The following SENP7 variants were observed in gnomAD, a reference collection of about 807,000 sequenced individuals.
SENP7 encodes the protein SUMO specific peptidase 7.
A neutral mutation model predicts 141.2 loss-of-function variants in SENP7; 64 were observed. The ratio of observed to expected loss-of-function variants is 0.45; its 90% confidence interval spans 0.37 to 0.56. The LOEUF (loss-of-function observed/expected upper bound fraction) is 0.56, where lower values mean the gene tolerates loss of function less well. Among genes scored for constraint, SENP7 ranks in the 20% least tolerant of loss-of-function variants. The pLI is 0.00. For synonymous variants in SENP7, 382 were observed against 426.4 expected (o/e 0.90, Z 1.28); for missense variants, 1,025 against 1,212.2 (o/e 0.85, Z 2.29).
intron 5 of SENP7, 87 bp downstream of exon 5, chr3:101,417,506 C>T: frequency 9.0e-7 from 1 of 1,115,910 alleles, no homozygotes; most frequent in Non-Finnish European, 1.4e-6. Flanking sequence ...CCTTTCAGGT[C>T]ATTTCAACAA....
At chr3:101,508,801 G>A (rs1423284629) in intron 1 of SENP7, among the ~76,000 whole-genome samples, 1 of 151,946 alleles carries the variant, frequency 6.6e-6, no homozygotes, top group Non-Finnish European at 1.5e-5. Flanking sequence ...TGTAATGCTT[G>A]GCACTACTAA....
intron 14 of SENP7, 84 bp from the exon 15 acceptor site, chr3:101,341,863 ATGTGACTTT>A: frequency 7.3e-7 from 1 of 1,371,232 alleles, no homozygotes; most frequent in Admixed American, 2.4e-5. Context: ...GTGAGAGAAA[ATGTGACTTT>A]AAAAATCCCT....
intron 12 of SENP7, among the ~76,000 whole-genome samples, chr3:101,348,562 C>T (rs1264087336): frequency 1.3e-5 from 2 of 152,128 alleles, no homozygotes; most frequent in East Asian, 1.9e-4. Flanking sequence ...CCAATTCCTG[C>T]CCATCTTTCT....
chr3:101,471,043 G>C (rs2063971533), intron 3 of SENP7, among the ~76,000 whole-genome samples: 1 of 152,156 alleles, frequency 6.6e-6, no homozygotes, highest in Non-Finnish European at 1.5e-5. Flanking sequence ...TCATGGATAG[G>C]GAGAATCAAT....
At chr3:101,356,870 A>C (rs1352850341) in intron 11 of SENP7, among the ~76,000 whole-genome samples, 1 of 152,210 alleles carries the variant, frequency 6.6e-6, no homozygotes, top group East Asian at 1.9e-4. Flanking sequence ...GATACAAGTA[A>C]AGGTACTACA....
rs2063888549 is a variant in SENP7, at chr3:101,469,381, C to T, written c.187-10329G>A. Among the ~76,000 whole-genome samples, 3 of 152,156 alleles carry T rather than the reference C, an allele frequency of 2.0e-5. No homozygotes were observed. The South Asian group carries it at 6.2e-4, about 31-fold the overall frequency. On this transcript the variant is annotated intron_variant, in intron 3 of 23. Coordinates refer to ENST00000394095, the MANE Select transcript of SENP7 (RefSeq NM_020654.5). ...TTAATAAGGATATCCAGGACTTGAA[C>T]TCAGCTCTGCAACAAACAGACCTAA...
intron 4 of SENP7, among the ~76,000 whole-genome samples, chr3:101,439,479 T>C (rs1302038880): frequency 1.2e-4 from 2 of 16,576 alleles, no homozygotes; most frequent in East Asian, 3.7e-3. Flanking sequence ...TGGCCAGCCG[T>C]GCCATCCGGG....
intron 6 of SENP7, among the ~76,000 whole-genome samples, chr3:101,388,587 A>T (rs2060724878): frequency 6.6e-6 from 1 of 152,226 alleles, no homozygotes; most frequent in African/African-American, 2.4e-5. Flanking sequence ...AAGAAACATG[A>T]AAAAGGAAAC....
chr3:101,489,861 C>A (rs537608758), intron 3 of SENP7, among the ~76,000 whole-genome samples: 3 of 152,230 alleles, frequency 2.0e-5, no homozygotes, highest in South Asian at 2.1e-4. Context: ...ATGTTTTTAA[C>A]GTCATTAGTC....
chr3:101,445,092 A>G (rs183522481), intron 4 of SENP7, among the ~76,000 whole-genome samples: 1 of 152,258 alleles, frequency 6.6e-6, no homozygotes, highest in East Asian at 1.9e-4. Context: ...TAGCAAGAGA[A>G]GAGCATCAAG....
chr3:101,436,370 T>C (rs186258951), intron 4 of SENP7, among the ~76,000 whole-genome samples: 24 of 152,270 alleles, frequency 1.6e-4, no homozygotes, highest in Admixed American at 3.9e-4. Flanking sequence ...GGGCTAATAT[T>C]TCTTCAGCAA....
At position 101,390,495 on chromosome 3, in the gene SENP7, T is replaced by C. The variant is rs115683112; in HGVS notation, c.677+8366A>G. Among the ~76,000 whole-genome samples, 1,460 of 152,124 alleles carry C rather than the reference T, an allele frequency of 9.6e-3. 23 individuals carry two copies. The highest frequency in any genetic ancestry group is 0.033 in the African/African-American group (1,385 of 41,502). On this transcript the variant is annotated intron_variant, in intron 6 of 23. Transcript: ENST00000394095. ...CTTTTGTAGACTTTAAGTCAAAAACTGTAAAAAGAGACAAAGAACTACATT... is the reference window on the plus strand; with the variant it reads ...CTTTTGTAGACTTTAAGTCAAAAACCGTAAAAAGAGACAAAGAACTACATT...
chr3:101,463,364 A>ATATATATATAT (rs1553744608), intron 3 of SENP7, among the ~76,000 whole-genome samples: 4 of 89,216 alleles, frequency 4.5e-5, no homozygotes, highest in Non-Finnish European at 6.7e-5. Context: ...TAAATAAATA[A>ATATATATATAT]ATATATATAT....
chr3:101,417,581 T>C lies in SENP7; in HGVS notation c.482+12A>G, dbSNP rs770010270. On this transcript the variant is annotated intron_variant, in intron 5 of 23. Transcript: ENST00000394095. ...GTGGTAAGTTGAACAAAATCAATAC[T>C]GAACAACATACCTTTCAGATAAATT... 1.2e-6 allele frequency: 2 copies of C among 1,600,544 alleles called. No individual in the cohort carries two copies. Among genetic ancestry groups the C allele is most frequent in the South Asian group, 1.1e-5 (1 of 90,768 alleles).
chr3:101,493,836 A>T (rs1435185045), intron 3 of SENP7, 37 bp downstream of exon 3: 8 of 1,201,222 alleles, frequency 6.7e-6, no homozygotes, highest in Non-Finnish European at 9.6e-6. Flanking sequence ...TACCAAATAA[A>T]ACTGTATACT....
chr3:101,466,175 G>A (rs1293645160), intron 3 of SENP7, among the ~76,000 whole-genome samples: 1 of 152,066 alleles, frequency 6.6e-6, no homozygotes, highest in East Asian at 1.9e-4. Flanking sequence ...GGGAGTTTCA[G>A]AAGAAAGAGA....
chr3:101,337,667 T>C (rs2059221931), intron 16 of SENP7, 36 bp from the exon 17 acceptor site: 1 of 1,478,164 alleles, frequency 6.8e-7, no homozygotes, highest in Admixed American at 2.5e-5. Flanking sequence ...TAAATTATTT[T>C]TAGATTTTAC....
At chr3:101,483,159 C>T (rs956051534) in intron 3 of SENP7, among the ~76,000 whole-genome samples, 5 of 152,062 alleles carry the variant, frequency 3.3e-5, no homozygotes, top group African/African-American at 7.2e-5. Context: ...TTTACTGCAG[C>T]GCTATTTACA....
chr3:101,426,166 C>T (rs1243729159), intron 4 of SENP7, among the ~76,000 whole-genome samples: 1 of 152,198 alleles, frequency 6.6e-6, no homozygotes, highest in Non-Finnish European at 1.5e-5. Context: ...TGAGTTCTGT[C>T]ACCCATGAGA....
Sources: allele counts gnomAD v4.1 joint callset (sites outside exome capture counted in the v4.1 genomes callset), GRCh38; gene constraint gnomAD v4.1.1; transcripts MANE v1.5; gene names NCBI Gene and HGNC (gene_info 2026-07-23, HGNC 2026-07-21).